COLEC10: variants seen among roughly 807,000 people sequenced by gnomAD.
COLEC10 encodes collectin-10.
In COLEC10, 22 loss-of-function variants were observed where a neutral mutation model predicts 28.4. That is an observed-to-expected ratio of 0.78 (90% CI 0.55 to 1.11). The LOEUF (loss-of-function observed/expected upper bound fraction) is 1.11. Among genes scored for constraint, COLEC10 ranks in the 50% least tolerant of loss-of-function variants. COLEC10 has a pLI of 0.00. For synonymous variants in COLEC10, 125 were observed against 116.1 expected (o/e 1.08, Z -0.49); for missense variants, 361 against 344.1 (o/e 1.05, Z -0.39).
chr8:118,956,720 T>C, the COLEC10 span, among the ~76,000 whole-genome samples: 1 of 152,212 alleles, frequency 6.6e-6, no homozygotes, highest in Non-Finnish European at 1.5e-5. Context: ...TAAAGAATAC[T>C]CTACACCTAC....
chr8:119,054,003 A>G (rs935186507), intron 2 of COLEC10, among the ~76,000 whole-genome samples: 7 of 152,242 alleles, frequency 4.6e-5, no homozygotes, highest in African/African-American at 1.7e-4. Context: ...TGTCAGCATC[A>G]CTATTCTTGT....
At position 119,106,410 on chromosome 8, in the gene COLEC10, G is replaced by T. The variant is rs766266060; in HGVS notation, c.*219G>T. 5.2e-5 allele frequency: 24 copies of T among 464,112 alleles called. No individual in the cohort carries two copies. Among genetic ancestry groups the T allele is most frequent in the Non-Finnish European group, 8.5e-5 (22 of 258,492 alleles). 28.7% of individuals were successfully genotyped at this position (464,112 alleles called of 1,614,324 possible). ...ACCCAATAACTCGCCAGGTTACATG[G>T]GTCTTGAGAGAGAATTTTAATTACT... On this transcript the variant is annotated 3_prime_UTR_variant, in exon 6 of 6. Coordinates refer to ENST00000332843, the MANE Select transcript of COLEC10 (RefSeq NM_006438.5).
chr8:119,013,775 T>A (rs1813942178), intron 2 of COLEC10, among the ~76,000 whole-genome samples: 1 of 150,800 alleles, frequency 6.6e-6, no homozygotes, highest in Admixed American at 6.6e-5. Context: ...TGTCTGGAAT[T>A]CATGTAGCTA....
chr8:119,074,090 T>C (rs1239173774), intron 1 of COLEC10, among the ~76,000 whole-genome samples: 1 of 151,860 alleles, frequency 6.6e-6, no homozygotes, highest in Non-Finnish European at 1.5e-5. Flanking sequence ...ATCCATAAAA[T>C]GGCCAAAACA....
At chr8:119,024,974 C>A (rs1374283033) in intron 2 of COLEC10, among the ~76,000 whole-genome samples, 1 of 152,094 alleles carries the variant, frequency 6.6e-6, no homozygotes, top group African/African-American at 2.4e-5. Context: ...ATTCCCTCCA[C>A]CCAGTTACAA....
chr8:119,042,843 C>T (rs1421163321), intron 2 of COLEC10, among the ~76,000 whole-genome samples: 5 of 152,200 alleles, frequency 3.3e-5, no homozygotes, highest in Admixed American at 2.0e-4. Context: ...TTAGCAAGCT[C>T]ATAACTCAAT....
At chr8:119,081,951 T>A (rs2130258252) in intron 1 of COLEC10, among the ~76,000 whole-genome samples, 1 of 152,342 alleles carries the variant, frequency 6.6e-6, no homozygotes, top group East Asian at 1.9e-4. Flanking sequence ...GACACTATTC[T>A]AGGCACTTGA....
chr8:118,957,378 T>TAGCTG, the COLEC10 span, among the ~76,000 whole-genome samples: 1 of 152,210 alleles, frequency 6.6e-6, no homozygotes, highest in Non-Finnish European at 1.5e-5. Flanking sequence ...AGGCCTACTT[T>TAGCTG]AGCTGAGCTG....
chr8:119,092,291 C>T (rs577933180), intron 3 of COLEC10, among the ~76,000 whole-genome samples: 3 of 152,070 alleles, frequency 2.0e-5, no homozygotes, highest in African/African-American at 4.8e-5. Context: ...AAGATGGTCT[C>T]GATCTTCTGA....
chr8:119,073,991 T>C (rs1010278484), intron 1 of COLEC10, among the ~76,000 whole-genome samples: 1 of 151,658 alleles, frequency 6.6e-6, no homozygotes, highest in Non-Finnish European at 1.5e-5. Context: ...CGTATATATA[T>C]ACACACATAT....
chr8:119,075,260 G>C (rs1434419857), intron 1 of COLEC10, among the ~76,000 whole-genome samples: 1 of 152,144 alleles, frequency 6.6e-6, no homozygotes, highest in African/African-American at 2.4e-5. Flanking sequence ...TGTTAGCATG[G>C]AGTGGTTAGA....
chr8:119,063,829 C>A (rs1814903670), upstream of COLEC10, among the ~76,000 whole-genome samples: 1 of 151,700 alleles, frequency 6.6e-6, no homozygotes, highest in Non-Finnish European at 1.5e-5. Flanking sequence ...AAAGCTAAGC[C>A]TGGAATTCCA....
At chr8:119,099,284 T>C (rs1008313278) in intron 3 of COLEC10, among the ~76,000 whole-genome samples, 5 of 152,016 alleles carry the variant, frequency 3.3e-5, no homozygotes, top group African/African-American at 4.8e-5. Flanking sequence ...AAATCTTCCA[T>C]AAGCTGGCTA....
chr8:119,097,804 A>T (rs1815750554), intron 3 of COLEC10, among the ~76,000 whole-genome samples: 1 of 152,094 alleles, frequency 6.6e-6, no homozygotes, highest in South Asian at 2.1e-4. Flanking sequence ...TGCTCTGCAG[A>T]GGTAGCAGAA....
chr8:119,059,879 C>G (rs1267660054), intron 2 of COLEC10, among the ~76,000 whole-genome samples: 1 of 151,886 alleles, frequency 6.6e-6, no homozygotes, highest in Non-Finnish European at 1.5e-5. Context: ...TAATTTTGAA[C>G]AAATCAAAAG....
chr8:119,062,370 ACT>A (rs1814870987), upstream of COLEC10, among the ~76,000 whole-genome samples: 1 of 152,124 alleles, frequency 6.6e-6, no homozygotes. Flanking sequence ...TAGGAACAAG[ACT>A]CAAGAGTGGA....
At position 119,108,315 on chromosome 8, in the gene COLEC10, A is replaced by T. The variant is rs1587071819; in HGVS notation, c.*2124A>T. 6.6e-6 allele frequency among the ~76,000 whole-genome samples: 1 copy of T among 152,308 alleles called. No homozygotes were observed. Among genetic ancestry groups the T allele is most frequent in the East Asian group, 1.9e-4 (1 of 5,172 alleles). On this transcript the variant is annotated 3_prime_UTR_variant, in exon 6 of 6. Coordinates refer to ENST00000332843, the MANE Select transcript of COLEC10 (RefSeq NM_006438.5). ...AAGAGAGGAAGGAGAGACATGCAGC[A>T]AATGTTGCCTACGGGCAACTTCATG...
At chr8:119,085,209 T>G (rs1031255378) in intron 1 of COLEC10, among the ~76,000 whole-genome samples, 3 of 152,124 alleles carry the variant, frequency 2.0e-5, no homozygotes, top group Non-Finnish European at 4.4e-5. Flanking sequence ...GAATTCAGGA[T>G]AGCCAGGAGT....
the COLEC10 span, among the ~76,000 whole-genome samples, chr8:118,972,152 T>C: frequency 6.6e-6 from 1 of 151,998 alleles, no homozygotes; most frequent in Non-Finnish European, 1.5e-5. Flanking sequence ...TGGTCATATG[T>C]GCCTTGAGTA....
Sources: allele counts gnomAD v4.1 joint callset (sites outside exome capture counted in the v4.1 genomes callset), GRCh38; gene constraint gnomAD v4.1.1; transcripts MANE v1.5; gene names NCBI Gene and HGNC (gene_info 2026-07-23, HGNC 2026-07-21).